Variants in CHD7 observed in about 807,000 individuals in gnomAD.
CHD7 encodes the protein ATP-dependent chromatin remodeler CHD7.
A neutral mutation model predicts 307.3 loss-of-function variants in CHD7; 24 were observed. That is an observed-to-expected ratio of 0.08 (90% CI 0.06 to 0.11). CHD7 has a LOEUF of 0.11. Ranked by LOEUF, CHD7 falls within the 10% of genes least tolerant of loss-of-function variation. The probability of loss-of-function intolerance (pLI) is 1.00; values close to 1 mark genes in which losing one functional copy is unlikely to be tolerated. For synonymous variants in CHD7, 1,363 were observed against 1,349.9 expected (o/e 1.01, Z -0.21); for missense variants, 3,106 against 3,727.1 (o/e 0.83, Z 4.34).
At chr8:60,765,956 A>C (rs1333770800) in intron 2 of CHD7, among the ~76,000 whole-genome samples, 1 of 152,254 alleles carries the variant, frequency 6.6e-6, no homozygotes, top group Non-Finnish European at 1.5e-5. Context: ...CGAGGGAAGA[A>C]TGGTCAGTGA....
At position 60,848,246 on chromosome 8, in the gene CHD7, A is replaced by AG. The variant is rs1805298097; in HGVS notation, c.5211-268dup. Among the ~76,000 whole-genome samples the AG allele has an allele frequency of 2.0e-5, 3 of 152,248 alleles. No homozygotes were observed. The South Asian group carries it at 6.2e-4, about 32-fold the overall frequency. On this transcript the variant is annotated intron_variant, in intron 23 of 37. Coordinates refer to ENST00000423902, the MANE Select transcript of CHD7 (RefSeq NM_017780.4). ...CTAAACTTCACAAGCTGCACTAGGT[A>AG]GAACTAAATGAAGTGCGCCTGGGCT...
intron 2 of CHD7, among the ~76,000 whole-genome samples, chr8:60,749,971 G>A (rs1809552694): frequency 6.6e-6 from 1 of 152,106 alleles, no homozygotes; most frequent in Non-Finnish European, 1.5e-5. Flanking sequence ...CCAACAAGCT[G>A]GTTTATCCCA....
At chr8:60,723,508 G>C (rs11779382) in intron 1 of CHD7, among the ~76,000 whole-genome samples, 2 of 152,334 alleles carry the variant, frequency 1.3e-5, no homozygotes, top group South Asian at 4.1e-4. Context: ...TGATGGCATA[G>C]AGAACACATC....
At chr8:60,789,306 C>G (rs907784681) in intron 3 of CHD7, among the ~76,000 whole-genome samples, 1 of 152,230 alleles carries the variant, frequency 6.6e-6, no homozygotes, top group African/African-American at 2.4e-5. Context: ...ATTCAGAAGT[C>G]TTTTCAGGAT....
At chr8:60,797,673 TGAATCCATTTAAATTGAGTTA>T (rs1812097157) in intron 4 of CHD7, among the ~76,000 whole-genome samples, 1 of 152,240 alleles carries the variant, frequency 6.6e-6, no homozygotes, top group Non-Finnish European at 1.5e-5. Flanking sequence ...GAAATATAAA[TGAATCCATTTAAATTGAGTTA>T]AATTGACATA....
At chr8:60,744,474 C>A (rs936115992) in intron 2 of CHD7, among the ~76,000 whole-genome samples, 3 of 122,252 alleles carry the variant, frequency 2.5e-5, no homozygotes, top group Non-Finnish European at 4.8e-5. Flanking sequence ...CATCTCAGAG[C>A]AGCATTTTTT....
intron 1 of CHD7, among the ~76,000 whole-genome samples, chr8:60,680,407 GGGGC>G: frequency 7.8e-6 from 1 of 128,768 alleles, no homozygotes; most frequent in Admixed American, 7.3e-5. Context: ...GCGGGGGGGG[GGGGC>G]GGGGGCGGCG....
At chr8:60,698,612 C>G (rs915460280) in intron 1 of CHD7, among the ~76,000 whole-genome samples, 7 of 152,088 alleles carry the variant, frequency 4.6e-5, no homozygotes, top group African/African-American at 1.7e-4. Flanking sequence ...AGCTGATAGT[C>G]CCTTCCTCAA....
intron 13 of CHD7, among the ~76,000 whole-genome samples, chr8:60,827,547 T>C (rs1481147342): frequency 6.6e-6 from 1 of 152,160 alleles, no homozygotes; most frequent in Non-Finnish European, 1.5e-5. Context: ...GGTGATACTT[T>C]AGAAAAAAAT....
At chr8:60,687,767 T>C (rs1027196827) in intron 1 of CHD7, among the ~76,000 whole-genome samples, 1 of 152,216 alleles carries the variant, frequency 6.6e-6, no homozygotes, top group African/African-American at 2.4e-5. Flanking sequence ...ATTATCCCCA[T>C]TTTACAGATG....
chr8:60,827,261 A>G (rs1388698832), intron 13 of CHD7, among the ~76,000 whole-genome samples: 5 of 149,176 alleles, frequency 3.4e-5, no homozygotes, highest in Admixed American at 6.6e-5. Flanking sequence ...AAAAAAAAAA[A>G]GAAAGGAGTT....
At chr8:60,796,611 T>A (rs1382092909) in intron 4 of CHD7, among the ~76,000 whole-genome samples, 1 of 69,736 alleles carries the variant, frequency 1.4e-5, no homozygotes, top group East Asian at 7.6e-4. Flanking sequence ...AAATACTAGC[T>A]TTAGGGTTTT....
At chr8:60,711,799 T>G (rs1270944495) in intron 1 of CHD7, among the ~76,000 whole-genome samples, 1 of 152,230 alleles carries the variant, frequency 6.6e-6, no homozygotes, top group African/African-American at 2.4e-5. Context: ...GATCCTGCCA[T>G]TGTAGATTGA....
At chr8:60,841,486 G>T (rs1290078220) in intron 19 of CHD7, among the ~76,000 whole-genome samples, 158 bp from the exon 20 acceptor site, 1 of 152,220 alleles carries the variant, frequency 6.6e-6, no homozygotes, top group African/African-American at 2.4e-5. Context: ...TCAGTGAGCT[G>T]CCTGAGGGCC....
At chr8:60,761,690 TAGA>T (rs1810216803) in intron 2 of CHD7, among the ~76,000 whole-genome samples, 1 of 151,788 alleles carries the variant, frequency 6.6e-6, no homozygotes, top group African/African-American at 2.4e-5. Context: ...GTCTTTTTGG[TAGA>T]AGGATTTCCA....
At chr8:60,773,780 T>C (rs1049752456) in intron 2 of CHD7, among the ~76,000 whole-genome samples, 1 of 152,148 alleles carries the variant, frequency 6.6e-6, no homozygotes, top group South Asian at 2.1e-4. Flanking sequence ...TGAATTATGC[T>C]AGTGGAGTGA....
chr8:60,692,335 T>G (rs1776689287), intron 1 of CHD7, among the ~76,000 whole-genome samples: 1 of 152,186 alleles, frequency 6.6e-6, no homozygotes, highest in Non-Finnish European at 1.5e-5. Flanking sequence ...ATAGATTGCT[T>G]TGTATTTATT....
chr8:60,696,148 A>C (rs560980785), intron 1 of CHD7, among the ~76,000 whole-genome samples: 15 of 152,224 alleles, frequency 9.9e-5, no homozygotes, highest in Admixed American at 6.5e-5. Flanking sequence ...AGAACATACT[A>C]ACTGTATCAT....
At chr8:60,790,708 G>A (rs748650637) in intron 3 of CHD7, among the ~76,000 whole-genome samples, 27 of 152,282 alleles carry the variant, frequency 1.8e-4, no homozygotes, top group Non-Finnish European at 2.8e-4. Flanking sequence ...AAATGTAAAC[G>A]TAATAAGACA....
Sources: allele counts gnomAD v4.1 joint callset (sites outside exome capture counted in the v4.1 genomes callset), GRCh38; gene constraint gnomAD v4.1.1; transcripts MANE v1.5; gene names NCBI Gene and HGNC (gene_info 2026-07-23, HGNC 2026-07-21).